PCDH15: variants seen among roughly 807,000 people sequenced by gnomAD.
PCDH15 encodes protocadherin related 15.
In PCDH15, 129 loss-of-function variants were observed where a neutral mutation model predicts 178.5. The observed-to-expected ratio is 0.72, with a 90% CI of 0.63 to 0.84. The LOEUF is 0.84. PCDH15 is among the 40% of genes least tolerant of loss of function. The probability of loss-of-function intolerance (pLI) is 0.00; values close to 1 mark genes in which losing one functional copy is unlikely to be tolerated. For synonymous variants in PCDH15, 800 were observed against 732.0 expected (o/e 1.09, Z -1.50); for missense variants, 2,230 against 2,099.9 (o/e 1.06, Z -1.21).
intron 23 of PCDH15, among the ~76,000 whole-genome samples, chr10:53,950,489 C>T (rs549848759): frequency 6.6e-6 from 1 of 152,178 alleles, no homozygotes; most frequent in African/African-American, 2.4e-5. Context: ...GAAAATTTTG[C>T]AATTAATTGT....
rs73254020 is a variant in PCDH15, at chr10:54,830,014, G to A, written c.-29+67436C>T. Among the ~76,000 whole-genome samples, 561 of 152,196 alleles carry A rather than the reference G, an allele frequency of 3.7e-3. 1 individual carries two copies. The highest frequency in any genetic ancestry group is 0.013 in the African/African-American group (539 of 41,576). ...TCTCATGGAAAGAGGCTTGCAGGAA[G>A]AGAGTTCTCATTTTCATTCAGATTA... On this transcript the variant is annotated intron_variant, in intron 3 of 5. Transcript: ENST00000458638.
intron 36 of PCDH15, among the ~76,000 whole-genome samples, 172 bp downstream of exon 36, chr10:53,811,377 T>C (rs1475672355): frequency 2.6e-5 from 4 of 152,034 alleles, no homozygotes; most frequent in African/African-American, 4.8e-5. Context: ...TATAGAAAAA[T>C]GGTTAAAACT....
At chr10:55,008,937 G>C (rs574470490) in intron 2 of PCDH15, among the ~76,000 whole-genome samples, 18 of 151,744 alleles carry the variant, frequency 1.2e-4, no homozygotes, top group African/African-American at 4.1e-4. Context: ...ATTCATATTA[G>C]TATAAAAGAT....
intron 20 of PCDH15, among the ~76,000 whole-genome samples, chr10:54,010,505 G>A (rs764399286): frequency 2.6e-5 from 4 of 152,246 alleles, no homozygotes; most frequent in Non-Finnish European, 5.9e-5. Context: ...AGCACAGCAC[G>A]GCAGCATTAC....
At chr10:54,956,710 TA>T (rs1341736469) in intron 2 of PCDH15, among the ~76,000 whole-genome samples, 1 of 151,642 alleles carries the variant, frequency 6.6e-6, no homozygotes, top group African/African-American at 2.4e-5. Flanking sequence ...GACTATTTAG[TA>T]GTAATACTTA....
intron 5 of PCDH15, among the ~76,000 whole-genome samples, chr10:54,364,736 G>T (rs1163497287): frequency 1.3e-5 from 2 of 151,982 alleles, no homozygotes; most frequent in Admixed American, 6.6e-5. Context: ...CACACAGTTT[G>T]GTCAGTCAGA....
chr10:54,965,867 T>A (rs910834388), intron 2 of PCDH15, among the ~76,000 whole-genome samples: 1 of 149,982 alleles, frequency 6.7e-6, no homozygotes, highest in Non-Finnish European at 1.5e-5. Context: ...TAATATCACA[T>A]AGATACCCAC....
intron 3 of PCDH15, among the ~76,000 whole-genome samples, chr10:54,492,696 T>C (rs2079712067): frequency 6.6e-6 from 1 of 152,162 alleles, no homozygotes; most frequent in Non-Finnish European, 1.5e-5. Flanking sequence ...TACTATAAGG[T>C]ATTTTAAGAG....
At chr10:54,346,228 T>C (rs1943253977) in intron 6 of PCDH15, 137 bp downstream of exon 6, 2 of 835,950 alleles carry the variant, frequency 2.4e-6, no homozygotes, top group Admixed American at 5.5e-5. Flanking sequence ...TAATTCAATT[T>C]TGAGACATTT....
intron 18 of PCDH15, among the ~76,000 whole-genome samples, chr10:54,026,696 A>G (rs1394744909): frequency 1.3e-5 from 2 of 152,320 alleles, no homozygotes; most frequent in Non-Finnish European, 2.9e-5. Flanking sequence ...GATGAAGTCC[A>G]CTTGACAGTA....
chr10:54,307,013 T>C (rs571993427), intron 8 of PCDH15, among the ~76,000 whole-genome samples: 36 of 48,176 alleles, frequency 7.5e-4, no homozygotes, highest in South Asian at 6.4e-3. Context: ...TATATATATA[T>C]ACATATATAT....
At chr10:55,530,123 T>G (rs764980508) in intron 2 of PCDH15, among the ~76,000 whole-genome samples, 3 of 151,912 alleles carry the variant, frequency 2.0e-5, no homozygotes, top group Non-Finnish European at 4.4e-5. Context: ...AATGACATAT[T>G]TTTAAGTTCA....
chr10:53,890,287 C>G (rs1321993529), intron 26 of PCDH15, among the ~76,000 whole-genome samples: 2 of 152,068 alleles, frequency 1.3e-5, no homozygotes, highest in Non-Finnish European at 2.9e-5. Flanking sequence ...ATTAGCTAGA[C>G]TTGGTGGCAC....
chr10:54,692,495 C>T (rs1003016128), intron 1 of PCDH15, among the ~76,000 whole-genome samples: 3 of 152,142 alleles, frequency 2.0e-5, no homozygotes, highest in South Asian at 2.1e-4. Context: ...TCTTTGTACA[C>T]GAAATCTAAC....
intron 3 of PCDH15, among the ~76,000 whole-genome samples, chr10:54,829,014 T>C (rs1361121649): frequency 2.6e-5 from 4 of 151,934 alleles, no homozygotes; most frequent in Non-Finnish European, 5.9e-5. Flanking sequence ...ATTAAAAAAC[T>C]GCTGGAAAAC....
chr10:55,023,389 TA>T (rs1366377250), intron 2 of PCDH15, among the ~76,000 whole-genome samples: 2 of 152,186 alleles, frequency 1.3e-5, no homozygotes, highest in African/African-American at 4.8e-5. Context: ...ACGTTGTCGG[TA>T]GAAAAACATT....
chr10:54,835,286 T>C (rs532148376), intron 3 of PCDH15, among the ~76,000 whole-genome samples: 192 of 152,264 alleles, frequency 1.3e-3, no homozygotes, highest in African/African-American at 4.3e-3. Flanking sequence ...AGCATCAGCA[T>C]TCATCTATAA....
chr10:55,328,482 A>G (rs537326232), intron 2 of PCDH15, among the ~76,000 whole-genome samples: 2 of 152,006 alleles, frequency 1.3e-5, no homozygotes, highest in East Asian at 3.9e-4. Flanking sequence ...AAACCTAGCT[A>G]AACATATAAT....
At chr10:53,848,080 A>C (rs891122303) in intron 28 of PCDH15, among the ~76,000 whole-genome samples, 3 of 152,058 alleles carry the variant, frequency 2.0e-5, no homozygotes, top group Non-Finnish European at 4.4e-5. Flanking sequence ...TTGTGAATAA[A>C]TTGAAGAAAG....
Sources: allele counts gnomAD v4.1 joint callset (sites outside exome capture counted in the v4.1 genomes callset), GRCh38; gene constraint gnomAD v4.1.1; transcripts MANE v1.5; gene names NCBI Gene and HGNC (gene_info 2026-07-23, HGNC 2026-07-21).